SEMA6B: variants seen among roughly 807,000 people sequenced by gnomAD.
SEMA6B encodes the protein semaphorin-6B.
A neutral mutation model predicts 78.6 loss-of-function variants in SEMA6B; 47 were observed. The observed-to-expected ratio is 0.60, with a 90% CI of 0.47 to 0.76. SEMA6B has a LOEUF of 0.76. Among genes scored for constraint, SEMA6B ranks in the 30% least tolerant of loss-of-function variants. SEMA6B has a pLI of 0.00. For synonymous variants in SEMA6B, 632 were observed against 592.2 expected (o/e 1.07, Z -0.98); for missense variants, 1,213 against 1,269.9 (o/e 0.96, Z 0.68).
rs1040787221 is a variant in SEMA6B, at chr19:4,555,902, G to C, written c.471+86C>G. ...AAGGCTTCCTGGAGGAGGTGACACG[G>C]CCTGGGGAAAAGCCATGGCCAGCGG... On this transcript the variant is annotated intron_variant, in intron 6 of 16. Transcript: ENST00000586582. The surrounding 1 kb of genome is among the most constrained non-coding windows in gnomAD (Gnocchi z 6.1). 8.1e-5 allele frequency: 87 copies of C among 1,068,344 alleles called. No homozygotes were observed. Among genetic ancestry groups the C allele is most frequent in the Non-Finnish European group, 1.2e-4 (85 of 685,866 alleles). 66.2% of individuals were successfully genotyped at this position (1,068,344 alleles called of 1,614,324 possible). A position where few individuals can be genotyped will look rare whatever the true frequency, so the allele number is the denominator to read the frequency against.
chr19:4,558,482 G>A lies in SEMA6B; in HGVS notation c.-25C>T. ...TGGCGAGGGCCAGGCGACAGGAGGAGGTGACGCCTGCGGGCAAGGGGCGGC... is the reference window on the plus strand; with the variant it reads ...TGGCGAGGGCCAGGCGACAGGAGGAAGTGACGCCTGCGGGCAAGGGGCGGC... On this transcript the variant is annotated 5_prime_UTR_variant, in exon 2 of 17. Transcript: ENST00000586582. The surrounding 1 kb of genome is among the most constrained non-coding windows in gnomAD (Gnocchi z 5.1). 8.1e-7 allele frequency: 1 copy of A among 1,237,880 alleles called. No individual in the cohort carries two copies. The highest frequency in any genetic ancestry group is 1.0e-6 in the Non-Finnish European group (1 of 988,226). 76.7% of individuals were successfully genotyped at this position (1,237,880 alleles called of 1,614,324 possible).
At chr19:4,548,232 G>A in intron 13 of SEMA6B, 31 bp downstream of exon 13, 4 of 1,592,636 alleles carry the variant, frequency 2.5e-6, no homozygotes, top group Non-Finnish European at 3.4e-6. Context: ...CCTCCTGCTG[G>A]CGACCCCTTC....
chr19:4,546,962 T>C (rs1022790242), intron 14 of SEMA6B, among the ~76,000 whole-genome samples: 32 of 29,014 alleles, frequency 1.1e-3, no homozygotes, highest in African/African-American at 3.5e-4. Flanking sequence ...TAAAATTTAA[T>C]TTTTTTTTTC....
chr19:4,555,961 T>TG lies in SEMA6B; in HGVS notation c.471+26dup. 6.3e-7 allele frequency: 1 copy of TG among 1,582,910 alleles called. No homozygotes were observed. ...CGAGCAGAGGCCTGGAGGTTGGACCTGGGGCGCAGGGAGTCTGAAGACTCA... is the reference window on the plus strand; with the variant it reads ...CGAGCAGAGGCCTGGAGGTTGGACCTGGGGGCGCAGGGAGTCTGAAGACTCA... On this transcript the variant is annotated intron_variant, in intron 6 of 16. Transcript: ENST00000586582. The surrounding 1 kb of genome is among the most constrained non-coding windows in gnomAD (Gnocchi z 6.1).
At chr19:4,546,159 C>T (rs1977158461) in intron 16 of SEMA6B, 57 bp downstream of exon 16, 29 of 1,507,408 alleles carry the variant, frequency 1.9e-5, no homozygotes, top group Non-Finnish European at 2.6e-5. Flanking sequence ...CCTCCTCCCT[C>T]CCCTCCCCCA....
rs1977125258 is a variant in SEMA6B, at chr19:4,544,867, T to C, written c.1739-338A>G. On this transcript the variant is annotated intron_variant, in intron 16 of 16. Coordinates refer to ENST00000586582, the MANE Select transcript of SEMA6B (RefSeq NM_032108.4). This position sits in a 1 kb window ranked among gnomAD's most constrained non-coding sequence, Gnocchi z 5.1. ...CCAGGCTGGTCTGAACTCCTGACCT[T>C]GTGATCCGCCCACCTCTGCCTCCCA... 6.6e-6 allele frequency among the ~76,000 whole-genome samples: 1 copy of C among 151,924 alleles called. No homozygotes were observed. Among genetic ancestry groups the C allele is most frequent in the African/African-American group, 2.4e-5 (1 of 41,386 alleles).
chr19:4,550,276 G>C lies in SEMA6B; in HGVS notation c.1122-4C>G. 6.2e-7 allele frequency: 1 copy of C among 1,613,568 alleles called. No homozygotes were observed. The highest frequency in any genetic ancestry group is 1.3e-5 in the African/African-American group (1 of 75,024). ...GGGGGCTGCGCAGCACCCGGGCCTGGGGGTGACAAGGGTGTGGTCAGGACG... is the reference window on the plus strand; with the variant it reads ...GGGGGCTGCGCAGCACCCGGGCCTGCGGGTGACAAGGGTGTGGTCAGGACG... On this transcript the variant is annotated splice_region_variant and splice_polypyrimidine_tract_variant and intron_variant, in intron 11 of 16. Transcript: ENST00000586582. The surrounding 1 kb of genome is among the most constrained non-coding windows in gnomAD (Gnocchi z 6.6).
At position 4,556,964 on chromosome 19, in the gene SEMA6B, T is replaced by C; in HGVS notation, c.356A>G (p.Lys119Arg). ...GGGCCAACTCACCTCCTGTTTGCCCTTCATCCGACACACGTTTATGTCGCT... is the reference window on the plus strand; with the variant it reads ...GGGCCAACTCACCTCCTGTTTGCCCCTCATCCGACACACGTTTATGTCGCT... ...NPSDINVCRM[K>R]GKQEGECRNF... Residue 119 changes from lysine (K) to arginine (R), a missense_variant, in exon 5 of 17, where the codon AAG (lysine) becomes AGG (arginine). Coordinates refer to ENST00000586582, the MANE Select transcript of SEMA6B (RefSeq NM_032108.4). 6.2e-7 allele frequency: 1 copy of C among 1,613,164 alleles called. No individual in the cohort carries two copies. Among genetic ancestry groups the C allele is most frequent in the Non-Finnish European group, 8.5e-7 (1 of 1,179,566 alleles).
At chr19:4,553,248 A>C (rs1484547753) in intron 9 of SEMA6B, among the ~76,000 whole-genome samples, 1 of 151,266 alleles carries the variant, frequency 6.6e-6, no homozygotes, top group Non-Finnish European at 1.5e-5. Context: ...ATAGAGAGAA[A>C]GCTAGGTGAG....
Position 4,556,099 on chromosome 19 carries a change from G to T in SEMA6B, c.370-10C>A. ...AGTTTCGACACTCGCCCTGAGGTGG[G>T]GACAGGAGGAAGCGGGGAGCGCGAT... On this transcript the variant is annotated splice_polypyrimidine_tract_variant and intron_variant, in intron 5 of 16. Coordinates refer to ENST00000586582, the MANE Select transcript of SEMA6B (RefSeq NM_032108.4). 1 of 1,603,674 alleles carries T rather than the reference G, an allele frequency of 6.2e-7. No homozygotes were observed. Among genetic ancestry groups the T allele is most frequent in the Non-Finnish European group, 8.5e-7 (1 of 1,170,656 alleles).
In SEMA6B at chr19:4,543,562, C is replaced by G. The variant is rs567523294; in HGVS notation, c.*39G>C. 1 of 1,096,750 alleles carries G rather than the reference C, an allele frequency of 9.1e-7. No individual in the cohort carries two copies. Among genetic ancestry groups the G allele is most frequent in the Non-Finnish European group, 1.2e-6 (1 of 862,282 alleles). The allele number at this position is 1,096,750 out of a possible 1,614,324, so 67.9% of individuals were successfully genotyped here. On this transcript the variant is annotated 3_prime_UTR_variant, in exon 17 of 17. Transcript: ENST00000586582. ...TGGCACCGTCTCTCGCTCCTGGTTC[C>G]CGTGGCTGGCACTGCCAAGGCATCG...
rs750367843 is a variant in SEMA6B, at chr19:4,556,075, G to A, written c.384C>T (p.Asn128=). The change falls in exon 6 of 17, where the codon AAC becomes AAT. Residue 128 remains asparagine, a synonymous_variant. Transcript: ENST00000586582. ...MKGKQEGECR[N]FVKVLLLRDE... is the part of the protein sequence containing the mutation. ...CCCGAAGGAGCAGCACCTTTACGAA[G>A]TTTCGACACTCGCCCTGAGGTGGGG... is the stretch of plus-strand genomic sequence containing the variant. 3.7e-6 allele frequency: 6 copies of A among 1,613,900 alleles called. No individual in the cohort carries two copies. The highest frequency in any genetic ancestry group is 5.1e-6 in the Non-Finnish European group (6 of 1,179,826).
In SEMA6B at chr19:4,550,294, T is replaced by C. The variant is rs1239289842; in HGVS notation, c.1122-22A>G. 1.2e-6 allele frequency: 2 copies of C among 1,612,854 alleles called. No individual in the cohort carries two copies. Among genetic ancestry groups the C allele is most frequent in the Non-Finnish European group, 1.7e-6 (2 of 1,179,692 alleles). ...GGGCCTGGGGGTGACAAGGGTGTGGTCAGGACGAACGTAAAGGTTCTCATA... is the reference window on the plus strand; with the variant it reads ...GGGCCTGGGGGTGACAAGGGTGTGGCCAGGACGAACGTAAAGGTTCTCATA... On this transcript the variant is annotated intron_variant, in intron 11 of 16. Transcript: ENST00000586582. The surrounding 1 kb of genome is among the most constrained non-coding windows in gnomAD (Gnocchi z 6.6).
At chr19:4,551,009 C>G in intron 10 of SEMA6B, 79 bp from the exon 11 acceptor site, 1 of 1,517,580 alleles carries the variant, frequency 6.6e-7, no homozygotes, top group African/African-American at 1.4e-5. Flanking sequence ...GAGCCTCTGT[C>G]TGCAGGAGCC....
At position 4,550,199 on chromosome 19, in the gene SEMA6B, C is replaced by G; in HGVS notation, c.1195G>C (p.Val399Leu). The change falls in exon 12 of 17, where the codon GTC becomes CTC. Residue 399 changes from valine (V) to leucine (L), a missense_variant. Physicochemically the swap from Val to Leu is conservative, Grantham distance 32. Coordinates refer to ENST00000586582, the MANE Select transcript of SEMA6B (RefSeq NM_032108.4). The surrounding 1 kb of genome is among the most constrained non-coding windows in gnomAD (Gnocchi z 6.6). ...SALPDDILNFVKTHPLMDEAV... is the reference protein window; with the variant it reads ...SALPDDILNFLKTHPLMDEAV... ...TCGTCCATCAGAGGGTGGGTCTTGA[C>G]AAAGTTGAGGATGTCATCCGGCAAG... 1 of 1,610,564 alleles carries G rather than the reference C, an allele frequency of 6.2e-7. No individual in the cohort carries two copies. The highest frequency in any genetic ancestry group is 8.5e-7 in the Non-Finnish European group (1 of 1,178,146).
chr19:4,548,429 C>T lies in SEMA6B; in HGVS notation c.1288G>A (p.Val430Met). Residue 430 changes from valine to methionine, a missense_variant, in exon 13 of 17, where the codon GTG (valine) becomes ATG (methionine). Transcript: ENST00000586582. ...GGGCCGGCTCCCACGTCCACAGCCA[C>T]TCGAGTCAGCTGGTGCCTGGGGGAC... ...RTLMRHQLTR[V>M]AVDVGAGPWG... 1.2e-6 allele frequency: 2 copies of T among 1,612,318 alleles called. No homozygotes were observed. Among genetic ancestry groups the T allele is most frequent in the Non-Finnish European group, 1.7e-6 (2 of 1,179,366 alleles).
intron 14 of SEMA6B, among the ~76,000 whole-genome samples, chr19:4,547,030 G>GT (rs1439740980): frequency 1.3e-5 from 2 of 151,788 alleles, no homozygotes; most frequent in Admixed American, 1.3e-4. Flanking sequence ...CATGATCATA[G>GT]TTCACTGCAG....
In SEMA6B at chr19:4,558,566, C is replaced by T. The variant is rs1191576753; in HGVS notation, c.-32-77G>A. Reference sequence around the variant, plus strand: ...CAAGACGGCGGGCGAGAGCAGCAGACGCTCCTTCAAATCCCAGAAAAATTC... The same window carrying T: ...CAAGACGGCGGGCGAGAGCAGCAGATGCTCCTTCAAATCCCAGAAAAATTC... On this transcript the variant is annotated intron_variant, in intron 1 of 16. Coordinates refer to ENST00000586582, the MANE Select transcript of SEMA6B (RefSeq NM_032108.4). The surrounding 1 kb of genome is among the most constrained non-coding windows in gnomAD (Gnocchi z 5.1). 4.2e-6 allele frequency: 4 copies of T among 944,122 alleles called. No homozygotes were observed. Among genetic ancestry groups the T allele is most frequent in the Non-Finnish European group, 5.5e-6 (4 of 725,688 alleles). The allele number at this position is 944,122 out of a possible 1,614,324, so 58.5% of individuals were successfully genotyped here. A position where few individuals can be genotyped will look rare whatever the true frequency, so the allele number is the denominator to read the frequency against.
chr19:4,542,773 C>T lies in SEMA6B; in HGVS notation c.*828G>A, dbSNP rs964741001. 3 of 700,622 alleles carry T rather than the reference C, an allele frequency of 4.3e-6. No individual in the cohort carries two copies. The highest frequency in any genetic ancestry group is 1.5e-5 in the South Asian group (1 of 66,734). 43.4% of individuals were successfully genotyped at this position (700,622 alleles called of 1,614,324 possible). A position where few individuals can be genotyped will look rare whatever the true frequency, so the allele number is the denominator to read the frequency against. ...CCCTGGGGCCGTATTTACAGAGGGG[C>T]CCCACCCACCTTCGCCGCCCCCCAG... On this transcript the variant is annotated 3_prime_UTR_variant, in exon 17 of 17. Coordinates refer to ENST00000586582, the MANE Select transcript of SEMA6B (RefSeq NM_032108.4).
Sources: gnomAD v4.1 joint callset for allele counts (sites outside exome capture counted in the v4.1 genomes callset) on GRCh38, gnomAD v4.1.1 for gene constraint, Gnocchi (gnomAD v3.1) non-coding constraint, MANE v1.5 for transcripts, NCBI Gene and HGNC (gene_info 2026-07-23, HGNC 2026-07-21) for gene names.